Variants in SLC44A5 observed in about 807,000 individuals in gnomAD.
The protein encoded by SLC44A5 is solute carrier family 44 member 5, also known as choline transporter-like protein 5.
Under a neutral mutation model 101.8 loss-of-function variants are expected in SLC44A5, and 57 were observed. The observed-to-expected ratio is 0.56, with a 90% CI of 0.45 to 0.70. The LOEUF (loss-of-function observed/expected upper bound fraction) is 0.70. Among genes scored for constraint, SLC44A5 ranks in the 30% least tolerant of loss-of-function variants. The probability of loss-of-function intolerance (pLI) is 0.00; values close to 1 mark genes in which losing one functional copy is unlikely to be tolerated. For missense variants in SLC44A5, 737 were observed against 853.1 expected (o/e 0.86, Z 1.70); for synonymous variants, 281 against 290.9 (o/e 0.97, Z 0.35).
chr1:75,392,263 A>G (rs948562183), intron 3 of SLC44A5, among the ~76,000 whole-genome samples: 4 of 152,318 alleles, frequency 2.6e-5, no homozygotes, highest in Non-Finnish European at 5.9e-5. Flanking sequence ...TATTAATAGC[A>G]AACTATGCAC....
chr1:75,298,540 C>T (rs1654148258), intron 5 of SLC44A5, among the ~76,000 whole-genome samples: 1 of 152,060 alleles, frequency 6.6e-6, no homozygotes, highest in South Asian at 2.1e-4. Flanking sequence ...GTTTTGTCTA[C>T]GGAAGAGTGG....
chr1:75,354,664 C>T (rs768819117), intron 3 of SLC44A5, among the ~76,000 whole-genome samples: 8 of 152,284 alleles, frequency 5.3e-5, no homozygotes, highest in Admixed American at 4.6e-4. Flanking sequence ...CCCCCACGAC[C>T]TGGTGTTGGG....
At chr1:75,631,955 C>A in the SLC44A5 span, among the ~76,000 whole-genome samples, 1 of 152,086 alleles carries the variant, frequency 6.6e-6, no homozygotes, top group Admixed American at 6.6e-5. Context: ...GATGAGCCAC[C>A]CTGCCTGGAC....
At chr1:75,328,114 C>T (rs1273890341) in intron 4 of SLC44A5, among the ~76,000 whole-genome samples, 1 of 152,212 alleles carries the variant, frequency 6.6e-6, no homozygotes, top group African/African-American at 2.4e-5. Context: ...GGCTTCCCAA[C>T]CAAGCCTACC....
chr1:75,226,799 G>A (rs1647206191), intron 13 of SLC44A5, among the ~76,000 whole-genome samples: 1 of 151,960 alleles, frequency 6.6e-6, no homozygotes, highest in Admixed American at 6.6e-5. Flanking sequence ...CTTACAAGGA[G>A]TATTACAATA....
intron 2 of SLC44A5, among the ~76,000 whole-genome samples, chr1:75,465,870 A>G (rs1441088376): frequency 6.6e-6 from 1 of 152,222 alleles, no homozygotes; most frequent in African/African-American, 2.4e-5. Flanking sequence ...ACAAGTAACA[A>G]GATTGAAGCT....
chr1:75,392,107 G>A (rs914817353), intron 3 of SLC44A5, among the ~76,000 whole-genome samples: 20 of 152,080 alleles, frequency 1.3e-4, no homozygotes, highest in Admixed American at 2.6e-4. Flanking sequence ...CCATGATCAC[G>A]CCACTGTACT....
chr1:75,697,565 T>C, the SLC44A5 span, among the ~76,000 whole-genome samples: 1 of 152,140 alleles, frequency 6.6e-6, no homozygotes, highest in African/African-American at 2.4e-5. Context: ...GGCTGGTGGA[T>C]CACTTGAACT....
chr1:75,383,889 G>C (rs7522348), intron 3 of SLC44A5, among the ~76,000 whole-genome samples: 77,572 of 151,724 alleles, frequency 0.51, 21,661 homozygotes, highest in East Asian at 0.94. Context: ...AGGAGAGAGT[G>C]GGGGCCAATA....
rs138531870 is a variant in SLC44A5, at chr1:75,243,020, G to C, written c.346-9C>G. 3 of 1,608,232 alleles carry C rather than the reference G, an allele frequency of 1.9e-6. No homozygotes were observed. In the African/African-American group the frequency reaches 4.0e-5, roughly 22 times the overall value. On this transcript the variant is annotated splice_polypyrimidine_tract_variant and intron_variant, in intron 7 of 23. Coordinates refer to ENST00000370859, the MANE Select transcript of SLC44A5 (RefSeq NM_001130058.2). ...CACTTGGAGACACAGATCTGTGAAC[G>C]AACAAAGTGATGAGAACTGAACTGA...
At chr1:75,400,588 C>G (rs1044401632) in intron 2 of SLC44A5, among the ~76,000 whole-genome samples, 3 of 152,178 alleles carry the variant, frequency 2.0e-5, no homozygotes, top group African/African-American at 7.2e-5. Flanking sequence ...TTGAGTTGCT[C>G]TAGCATTCTT....
chr1:75,238,662 TA>T, intron 9 of SLC44A5, 26 bp from the exon 10 acceptor site: 2 of 1,451,580 alleles, frequency 1.4e-6, no homozygotes, highest in Non-Finnish European at 9.3e-7. Context: ...AAAATTATTG[TA>T]ATCACTTTTC....
At chr1:75,580,144 C>G (rs1280834850) in intron 1 of SLC44A5, among the ~76,000 whole-genome samples, 1 of 151,832 alleles carries the variant, frequency 6.6e-6, no homozygotes, top group Non-Finnish European at 1.5e-5. Flanking sequence ...TAAAAAAAGA[C>G]TACCTACAGC....
intron 3 of SLC44A5, among the ~76,000 whole-genome samples, chr1:75,362,661 G>T (rs1659576004): frequency 6.6e-6 from 1 of 152,088 alleles, no homozygotes; most frequent in Non-Finnish European, 1.5e-5. Context: ...GAACAGAAAA[G>T]ATACTTATGA....
intron 2 of SLC44A5, among the ~76,000 whole-genome samples, chr1:75,536,850 C>CA (rs1365844864): frequency 7.3e-6 from 1 of 136,556 alleles, no homozygotes; most frequent in Non-Finnish European, 1.6e-5. Context: ...ACTAAAAATA[C>CA]AAAAAATTAG....
intron 6 of SLC44A5, among the ~76,000 whole-genome samples, chr1:75,251,666 T>G (rs992413251): frequency 2.0e-5 from 3 of 152,174 alleles, no homozygotes; most frequent in African/African-American, 7.2e-5. Flanking sequence ...TGATTTTAAT[T>G]TTATTAAAAA....
At chr1:75,601,586 A>G (rs1372766793) in intron 1 of SLC44A5, among the ~76,000 whole-genome samples, 1 of 152,172 alleles carries the variant, frequency 6.6e-6, no homozygotes, top group African/African-American at 2.4e-5. Context: ...AAGTTTCTCA[A>G]TGCCAGCCAA....
chr1:75,330,360 A>G (rs1376707903), intron 4 of SLC44A5, among the ~76,000 whole-genome samples: 1 of 151,890 alleles, frequency 6.6e-6, no homozygotes, highest in Non-Finnish European at 1.5e-5. Context: ...CACCCCCGTG[A>G]TGGCCTTACC....
the SLC44A5 span, among the ~76,000 whole-genome samples, chr1:75,616,314 C>T: frequency 1.3e-5 from 2 of 152,014 alleles, no homozygotes; most frequent in African/African-American, 4.8e-5. Context: ...CGCCGTCATC[C>T]AGCAGCCTCT....
Sources: gnomAD v4.1 joint callset for allele counts (sites outside exome capture counted in the v4.1 genomes callset) on GRCh38, gnomAD v4.1.1 for gene constraint, MANE v1.5 for transcripts, NCBI Gene and HGNC (gene_info 2026-07-23, HGNC 2026-07-21) for gene names.